The following AK5 variants were observed in gnomAD, a reference collection of about 807,000 sequenced individuals.
AK5 encodes the protein adenylate kinase isoenzyme 5.
A neutral mutation model predicts 69.5 loss-of-function variants in AK5; 27 were observed. That is an observed-to-expected ratio of 0.39 (90% CI 0.29 to 0.54). AK5 has a LOEUF of 0.54. Among genes scored for constraint, AK5 ranks in the 20% least tolerant of loss-of-function variants. The pLI is 0.71. For missense variants in AK5, 531 were observed against 700.4 expected (o/e 0.76, Z 2.73); for synonymous variants, 260 against 244.4 (o/e 1.06, Z -0.60).
intron 8 of AK5, among the ~76,000 whole-genome samples, chr1:77,446,008 G>A (rs542960432): frequency 6.6e-6 from 1 of 152,124 alleles, no homozygotes; most frequent in Admixed American, 6.5e-5. Context: ...TCATTGCCAA[G>A]GCCAATGTCA....
At chr1:77,512,735 T>A (rs1420365477) in intron 10 of AK5, among the ~76,000 whole-genome samples, 1 of 152,132 alleles carries the variant, frequency 6.6e-6, no homozygotes, top group Non-Finnish European at 1.5e-5. Context: ...TGCGGCACTA[T>A]TCACAATAGC....
At position 77,326,009 on chromosome 1, in the gene AK5, T is replaced by C. The variant is rs541097911; in HGVS notation, c.700-14368T>C. 3.3e-5 allele frequency among the ~76,000 whole-genome samples: 5 copies of C among 152,296 alleles called. No homozygotes were observed. In the East Asian group the frequency reaches 9.6e-4, roughly 29 times the overall value. On this transcript the variant is annotated intron_variant, in intron 5 of 13. Coordinates refer to ENST00000354567, the MANE Select transcript of AK5 (RefSeq NM_174858.3). Reference sequence around the variant, plus strand: ...TGATTCTTCCTTAATGTTTCTTATATGTAGGATGTGCAAGAAAAATTTGAG... The same window carrying C: ...TGATTCTTCCTTAATGTTTCTTATACGTAGGATGTGCAAGAAAAATTTGAG...
At chr1:77,313,257 A>G (rs1395022908) in intron 5 of AK5, among the ~76,000 whole-genome samples, 1 of 152,148 alleles carries the variant, frequency 6.6e-6, no homozygotes, top group East Asian at 1.9e-4. Context: ...ACCAAGGCTC[A>G]GATGATAACT....
intron 13 of AK5, 39 bp downstream of exon 13, chr1:77,536,077 A>G: frequency 6.8e-7 from 1 of 1,470,526 alleles, no homozygotes; most frequent in East Asian, 2.4e-5. Flanking sequence ...TGAGCCGCTT[A>G]CCTTTTTTTT....
intron 5 of AK5, among the ~76,000 whole-genome samples, chr1:77,310,442 C>T (rs1023938827): frequency 1.3e-5 from 2 of 151,966 alleles, no homozygotes; most frequent in Admixed American, 6.6e-5. Flanking sequence ...TGCAGTGATG[C>T]GATCTCGGCT....
In AK5 at chr1:77,297,657, C is replaced by T. The variant is rs1452534758; in HGVS notation, c.514C>T (p.His172Tyr). Residue 172 changes from histidine (H) to tyrosine (Y), a missense_variant, in exon 4 of 14, where the codon CAC becomes TAC. Physicochemically the swap from His to Tyr is moderately conservative, Grantham distance 83 (BLOSUM62 2). Transcript: ENST00000354567. ...SVGELLRKKI[H>Y]STSSNRKWSL... ...GGGAGAATTATTAAGAAAGAAGATC[C>T]ACAGTACCAGCAGCAATAGGAAATG... 1 of 1,613,846 alleles carries T rather than the reference C, an allele frequency of 6.2e-7. No individual in the cohort carries two copies. Among genetic ancestry groups the T allele is most frequent in the Middle Eastern group, 1.6e-4 (1 of 6,062 alleles).
intron 10 of AK5, 104 bp from the exon 11 acceptor site, chr1:77,518,460 A>G (rs1657792016): frequency 2.5e-6 from 3 of 1,217,376 alleles, no homozygotes; most frequent in South Asian, 3.0e-5. Flanking sequence ...TTCCCAATAC[A>G]TGCTTAGTGA....
At chr1:77,456,632 A>G (rs906878594) in intron 8 of AK5, among the ~76,000 whole-genome samples, 25 of 152,226 alleles carry the variant, frequency 1.6e-4, no homozygotes, top group Admixed American at 1.4e-3. Flanking sequence ...CAGCTGTCCC[A>G]GCTTACCTGG....
Position 77,547,688 on chromosome 1 carries a change from T to A in AK5, c.1621-10914T>A, listed in dbSNP as rs78012563. Among the ~76,000 whole-genome samples, 859 of 152,338 alleles carry A rather than the reference T, an allele frequency of 5.6e-3. 7 individuals carry two copies. The highest frequency in any genetic ancestry group is 0.02 in the African/African-American group (820 of 41,566). The stretch of plus-strand genomic sequence containing the variant: ...AAGTTTCCATAAAAAATACTGGAAC[T>A]ATATTTATATTTCATAAAATTTACA... On this transcript the variant is annotated intron_variant, in intron 13 of 13. Transcript: ENST00000354567.
chr1:77,377,712 C>T (rs1430162531), intron 6 of AK5, among the ~76,000 whole-genome samples: 1 of 152,196 alleles, frequency 6.6e-6, no homozygotes, highest in African/African-American at 2.4e-5. Flanking sequence ...ATGTTATCTT[C>T]TGACTGTATA....
chr1:77,352,870 T>C lies in AK5; in HGVS notation c.891+12302T>C, dbSNP rs114061187. On this transcript the variant is annotated intron_variant, in intron 6 of 13. Coordinates refer to ENST00000354567, the MANE Select transcript of AK5 (RefSeq NM_174858.3). ...AAATAAGTTATTTGGCAGCTTCTGATAGGTTAGTCTTAAGTTTCATTTTTT... is the reference window on the plus strand; with the variant it reads ...AAATAAGTTATTTGGCAGCTTCTGACAGGTTAGTCTTAAGTTTCATTTTTT... Among the ~76,000 whole-genome samples the C allele has an allele frequency of 2.9e-3, 446 of 152,264 alleles. 2 individuals are homozygous for C. The highest frequency in any genetic ancestry group is 0.01 in the Middle Eastern group (3 of 294).
chr1:77,406,138 T>C (rs1649613085), intron 6 of AK5, among the ~76,000 whole-genome samples: 1 of 136,000 alleles, frequency 7.4e-6, no homozygotes, highest in Admixed American at 7.7e-5. Flanking sequence ...ACAGCCAGCA[T>C]ATGTAGATGT....
intron 2 of AK5, among the ~76,000 whole-genome samples, chr1:77,287,359 A>C (rs1277703883): frequency 1.3e-5 from 2 of 152,236 alleles, no homozygotes; most frequent in African/African-American, 4.8e-5. Flanking sequence ...ATTTTTTATT[A>C]CTGACTTTAT....
chr1:77,410,785 C>T (rs1649991279), intron 6 of AK5, among the ~76,000 whole-genome samples, 196 bp from the exon 7 acceptor site: 1 of 151,930 alleles, frequency 6.6e-6, no homozygotes, highest in Non-Finnish European at 1.5e-5. Flanking sequence ...ACATTTATTC[C>T]CTAATACTCT....
At chr1:77,542,720 T>G (rs1394286633) in intron 13 of AK5, among the ~76,000 whole-genome samples, 1 of 152,216 alleles carries the variant, frequency 6.6e-6, no homozygotes, top group African/African-American at 2.4e-5. Context: ...ATTAAAATTA[T>G]TGAGAATTAT....
intron 8 of AK5, among the ~76,000 whole-genome samples, chr1:77,432,587 C>T (rs1651709790): frequency 6.6e-6 from 1 of 152,136 alleles, no homozygotes. Flanking sequence ...GCCATGAATC[C>T]AGTCTTAAAG....
At chr1:77,332,945 G>A (rs191790842) in intron 5 of AK5, among the ~76,000 whole-genome samples, 3 of 151,754 alleles carry the variant, frequency 2.0e-5, no homozygotes, top group Admixed American at 2.0e-4. Flanking sequence ...TTTTAGTTCT[G>A]TTCAAGTTCA....
At chr1:77,299,163 T>A (rs1659194311) in intron 5 of AK5, among the ~76,000 whole-genome samples, 1 of 152,112 alleles carries the variant, frequency 6.6e-6, no homozygotes, top group Non-Finnish European at 1.5e-5. Context: ...TTTAAAATTT[T>A]TGCAAACCTG....
At chr1:77,312,655 T>C (rs538671252) in intron 5 of AK5, among the ~76,000 whole-genome samples, 2 of 151,684 alleles carry the variant, frequency 1.3e-5, no homozygotes, top group South Asian at 4.2e-4. Context: ...GCAATCTGGT[T>C]CATTCACATC....
Sources: gnomAD v4.1 joint callset for allele counts (sites outside exome capture counted in the v4.1 genomes callset) on GRCh38, gnomAD v4.1.1 for gene constraint, MANE v1.5 for transcripts, NCBI Gene and HGNC (gene_info 2026-07-23, HGNC 2026-07-21) for gene names.